The following ST6GALNAC1 variants were observed in gnomAD, a reference collection of about 807,000 sequenced individuals.
ST6GALNAC1 encodes alpha-N-acetylgalactosaminide alpha-2,6-sialyltransferase 1.
Under a neutral mutation model 56.8 loss-of-function variants are expected in ST6GALNAC1, and 45 were observed. The ratio of observed to expected loss-of-function variants is 0.79; its 90% CI spans 0.62 to 1.02. ST6GALNAC1 has a LOEUF of 1.02. Among genes scored for constraint, ST6GALNAC1 ranks in the 50% least tolerant of loss-of-function variants. The pLI is 0.00. For missense variants in ST6GALNAC1, 743 were observed against 754.8 expected (o/e 0.98, Z 0.18); for synonymous variants, 295 against 297.8 (o/e 0.99, Z 0.10).
the ST6GALNAC1 span, among the ~76,000 whole-genome samples, chr17:76,617,770 CAAAA>C: frequency 9.9e-6 from 1 of 101,376 alleles, no homozygotes. Flanking sequence ...GACTCTGTCT[CAAAA>C]AAAAAAAAAA....
intron 1 of ST6GALNAC1, chr17:76,637,610 G>A (rs540692948): frequency 8.8e-5 from 35 of 398,766 alleles, no homozygotes; most frequent in Admixed American, 2.6e-4. Context: ...ACATAAGCCA[G>A]GTGGACCTGA....
chr17:76,627,642 G>C lies in ST6GALNAC1; in HGVS notation c.832-59C>G. ...GACCCAGAAAGGCCATCGGCCAGGG[G>C]CTGCACCACTGCAGCAAGGGCTGGG... On this transcript the variant is annotated intron_variant, in intron 2 of 8. Transcript: ENST00000156626. The surrounding 1 kb of genome is among the most constrained non-coding windows in gnomAD (Gnocchi z 4.4). 6.5e-7 allele frequency: 1 copy of C among 1,532,224 alleles called. No individual in the cohort carries two copies. Among genetic ancestry groups the C allele is most frequent in the Non-Finnish European group, 8.9e-7 (1 of 1,120,532 alleles). The allele number at this position is 1,532,224 out of a possible 1,614,324, so 94.9% of individuals were successfully genotyped here.
chr17:76,618,125 G>A, the ST6GALNAC1 span, among the ~76,000 whole-genome samples: 1 of 152,200 alleles, frequency 6.6e-6, no homozygotes, highest in Non-Finnish European at 1.5e-5. Flanking sequence ...TTAATGAACA[G>A]AGCCACATTT....
At chr17:76,630,064 G>A (rs2075870133) in intron 1 of ST6GALNAC1, among the ~76,000 whole-genome samples, 1 of 152,122 alleles carries the variant, frequency 6.6e-6, no homozygotes, top group Admixed American at 6.5e-5. Context: ...GGGATGACAC[G>A]TGTGAGCCAC....
At chr17:76,637,078 G>A (rs577609777) in intron 1 of ST6GALNAC1, among the ~76,000 whole-genome samples, 1 of 151,524 alleles carries the variant, frequency 6.6e-6, no homozygotes, top group African/African-American at 2.4e-5. Context: ...CAGCATGCTC[G>A]TTAAGAGTCA....
At chr17:76,637,508 T>A in intron 1 of ST6GALNAC1, 1 of 392,392 alleles carries the variant, frequency 2.5e-6, no homozygotes, top group Non-Finnish European at 4.5e-6. Context: ...ATTTCAAGAA[T>A]GTTATTTGAA....
chr17:76,619,087 C>T, the ST6GALNAC1 span, among the ~76,000 whole-genome samples: 1 of 152,194 alleles, frequency 6.6e-6, no homozygotes, highest in Non-Finnish European at 1.5e-5. Flanking sequence ...TGTATTGAGC[C>T]AGTGGGAGCG....
rs749880748 is a variant in ST6GALNAC1, at chr17:76,629,519, C to T, written c.324G>A (p.Pro108=). 33 of 1,613,844 alleles carry T rather than the reference C, an allele frequency of 2.0e-5. No homozygotes were observed. The highest frequency in any genetic ancestry group is 8.9e-5 in the East Asian group (4 of 44,848). The change falls in exon 2 of 9, where the codon CCG becomes CCA. Residue 108 remains proline (P), a synonymous_variant. Coordinates refer to ENST00000156626, the MANE Select transcript of ST6GALNAC1 (RefSeq NM_018414.5). ...GDRGKEANQA[P]PEEQDKVPHT... ...GGGGCACCTTGTCCTGCTCCTCCGG[C>T]GGTGCCTGGTTGGCCTCCTTTCCTC...
intron 1 of ST6GALNAC1, among the ~76,000 whole-genome samples, chr17:76,632,180 A>G (rs1002307066): frequency 7.2e-5 from 11 of 152,102 alleles, no homozygotes; most frequent in Admixed American, 7.2e-4. Flanking sequence ...CCCCAGCCTC[A>G]AGAAGCCTAT....
At chr17:76,635,273 C>A (rs975341562) in intron 1 of ST6GALNAC1, among the ~76,000 whole-genome samples, 3 of 152,154 alleles carry the variant, frequency 2.0e-5, no homozygotes, top group Non-Finnish European at 2.9e-5. Context: ...CCAGAGCTCC[C>A]CCTGAACAGA....
downstream of ST6GALNAC1, among the ~76,000 whole-genome samples, chr17:76,621,564 C>T (rs1222943847): frequency 1.3e-5 from 2 of 151,922 alleles, no homozygotes; most frequent in African/African-American, 4.8e-5. Context: ...CAACCTGTGC[C>T]TCCCAGGTTC....
At chr17:76,629,835 T>A (rs552697296) in intron 1 of ST6GALNAC1, 124 bp from the exon 2 acceptor site, 16 of 722,474 alleles carry the variant, frequency 2.2e-5, no homozygotes, top group Non-Finnish European at 3.3e-5. Flanking sequence ...CAGGCTGGAG[T>A]GCAGTGGTAC....
At chr17:76,622,096 G>C (rs2075747434), downstream of ST6GALNAC1, among the ~76,000 whole-genome samples, 1 of 151,114 alleles carries the variant, frequency 6.6e-6, no homozygotes, top group South Asian at 2.1e-4. Context: ...ACTGCGCCTG[G>C]CCTGCATTTC....
chr17:76,619,481 A>T, the ST6GALNAC1 span, among the ~76,000 whole-genome samples: 706 of 152,292 alleles, frequency 4.6e-3, 9 homozygotes, highest in African/African-American at 0.016. Context: ...TTCATTATAG[A>T]CTTGCCTCTT....
At chr17:76,641,095 C>T (rs1224127071) in intron 1 of ST6GALNAC1, among the ~76,000 whole-genome samples, 2 of 152,118 alleles carry the variant, frequency 1.3e-5, no homozygotes, top group East Asian at 1.9e-4. Flanking sequence ...AAACTCAAGT[C>T]GTAAAACATA....
chr17:76,621,794 C>T (rs570344914), downstream of ST6GALNAC1, among the ~76,000 whole-genome samples: 1 of 152,234 alleles, frequency 6.6e-6, no homozygotes, highest in South Asian at 2.1e-4. Context: ...TGTTTCTGTA[C>T]ATCACTTCCC....
chr17:76,633,022 A>T (rs897264447), intron 1 of ST6GALNAC1, among the ~76,000 whole-genome samples: 2 of 152,108 alleles, frequency 1.3e-5, no homozygotes, highest in African/African-American at 2.4e-5. Flanking sequence ...CCTGGCCAAC[A>T]TGGCAAAACC....
chr17:76,628,949 C>T (rs2075850484), intron 2 of ST6GALNAC1, 63 bp downstream of exon 2: 1 of 1,456,116 alleles, frequency 6.9e-7, no homozygotes, highest in African/African-American at 1.4e-5. Flanking sequence ...GTGGGCTGGG[C>T]TTCCTCTCAG....
rs569992974 is a variant in ST6GALNAC1 at position 76,627,825 on chromosome 17, T to C, written c.832-242A>G. Among the ~76,000 whole-genome samples, 26 of 152,146 alleles carry C rather than the reference T, an allele frequency of 1.7e-4. No individual in the cohort carries two copies. Among genetic ancestry groups the C allele is most frequent in the South Asian group, 8.3e-4 (4 of 4,826 alleles). The stretch of plus-strand genomic sequence containing the variant: ...GAGGCAAATGCACCTAGGCCGGGTG[T>C]GGTGGCTCACGCCTGTAATCCTAGC... On this transcript the variant is annotated intron_variant, in intron 2 of 8. Coordinates refer to ENST00000156626, the MANE Select transcript of ST6GALNAC1 (RefSeq NM_018414.5). The surrounding 1 kb of genome is among the most constrained non-coding windows in gnomAD (Gnocchi z 4.4).
Sources: allele counts gnomAD v4.1 joint callset (sites outside exome capture counted in the v4.1 genomes callset), GRCh38; gene constraint gnomAD v4.1.1; non-coding constraint Gnocchi (gnomAD v3.1); transcripts MANE v1.5; gene names NCBI Gene and HGNC (gene_info 2026-07-23, HGNC 2026-07-21).